The following PCNX1 variants were observed in gnomAD, a reference collection of about 807,000 sequenced individuals.
The protein encoded by PCNX1 is pecanex 1.
A neutral mutation model predicts 242.2 loss-of-function variants in PCNX1; 78 were observed. The ratio of observed to expected loss-of-function variants is 0.32; its 90% confidence interval spans 0.27 to 0.39. PCNX1 has a LOEUF of 0.39. Ranked by LOEUF, PCNX1 falls within the 10% of genes least tolerant of loss-of-function variation. The pLI is 1.00. For missense variants in PCNX1, 2,581 were observed against 2,856.5 expected (o/e 0.90, Z 2.20); for synonymous variants, 1,024 against 1,032.9 (o/e 0.99, Z 0.17).
chr14:71,098,585 T>C (rs1028066777), intron 30 of PCNX1, among the ~76,000 whole-genome samples: 2 of 143,514 alleles, frequency 1.4e-5, no homozygotes, highest in Non-Finnish European at 1.5e-5. Flanking sequence ...GTAGATGGGA[T>C]TGCATTATTG....
intron 26 of PCNX1, among the ~76,000 whole-genome samples, chr14:71,068,650 G>A (rs1555373257): frequency 8.4e-6 from 1 of 118,666 alleles, no homozygotes; most frequent in South Asian, 2.7e-4. Context: ...ATATATTGTT[G>A]CATGTATAGT....
chr14:71,012,961 C>A, intron 10 of PCNX1, 24 bp from the exon 11 acceptor site: 1 of 1,453,128 alleles, frequency 6.9e-7, no homozygotes, highest in Non-Finnish European at 9.7e-7. Flanking sequence ...TATTTTAAGC[C>A]TTTCAATGCT....
At chr14:71,021,120 A>G (rs1399116073) in intron 12 of PCNX1, among the ~76,000 whole-genome samples, 1 of 151,986 alleles carries the variant, frequency 6.6e-6, no homozygotes, top group Non-Finnish European at 1.5e-5. Context: ...ATTGGTCTTT[A>G]TATCTGTTTT....
Position 71,047,083 on chromosome 14 carries a change from A to G in PCNX1, c.4138A>G (p.Ser1380Gly), listed in dbSNP as rs763573028. ...ELSSSAETIA[S>G]PKKLNTELGA... The stretch of plus-strand genomic sequence containing the variant: ...GAGCAGCAGTGCAGAGACAATTGCT[A>G]GTCCAAAGAAACTGAATACAGAGTA... The change falls in exon 21 of 36, where the codon AGT becomes GGT. Residue 1380 changes from serine (S) to glycine (G), a missense_variant. Ser to Gly is a moderately conservative substitution (Grantham distance 56). This residue lies in a region of PCNX1 where 432 missense variants were observed against 443.1 expected (regional missense o/e 0.97). Transcript: ENST00000304743. 1.9e-6 allele frequency: 3 copies of G among 1,606,454 alleles called. No individual in the cohort carries two copies. The highest frequency in any genetic ancestry group is 2.6e-6 in the Non-Finnish European group (3 of 1,174,892).
chr14:71,058,671 A>T (rs1209346757), intron 26 of PCNX1, among the ~76,000 whole-genome samples: 1 of 152,208 alleles, frequency 6.6e-6, no homozygotes, highest in Admixed American at 6.5e-5. Flanking sequence ...GAAGGCTTGC[A>T]CCTTAGCTAT....
chr14:70,988,828 T>A, intron 7 of PCNX1, 129 bp downstream of exon 7: 1 of 1,159,468 alleles, frequency 8.6e-7, no homozygotes, highest in Non-Finnish European at 1.2e-6. Flanking sequence ...CCTATACATT[T>A]AAGCCCTTTT....
intron 11 of PCNX1, among the ~76,000 whole-genome samples, chr14:71,017,673 T>G (rs1253757944): frequency 2.0e-5 from 3 of 152,202 alleles, no homozygotes; most frequent in Non-Finnish European, 4.4e-5. Context: ...TTGAAAATCC[T>G]TAAAAATCCA....
At position 71,106,865 on chromosome 14, in the gene PCNX1, A is replaced by G. The variant is rs74060588; in HGVS notation, c.6301+1425A>G. ...TCTTTCAGTTTTCTGTACCACAAAT[A>G]TCTTTTCCCATTCTGTCCCTTGTCT... On this transcript the variant is annotated intron_variant, in intron 33 of 35. Coordinates refer to ENST00000304743, the MANE Select transcript of PCNX1 (RefSeq NM_014982.3). 8.6e-3 allele frequency among the ~76,000 whole-genome samples: 1,310 copies of G among 152,314 alleles called. 26 individuals are homozygous for G. The highest frequency in any genetic ancestry group is 0.03 in the African/African-American group (1,236 of 41,554).
chr14:71,006,828 A>G (rs1391737206), intron 8 of PCNX1, among the ~76,000 whole-genome samples: 2 of 152,178 alleles, frequency 1.3e-5, no homozygotes, highest in South Asian at 4.1e-4. Flanking sequence ...TGGTGTGTTT[A>G]TCTTCAGAGT....
At chr14:71,108,386 A>AG (rs1407036410) in intron 33 of PCNX1, among the ~76,000 whole-genome samples, 9 of 152,366 alleles carry the variant, frequency 5.9e-5, no homozygotes, top group African/African-American at 2.2e-4. Context: ...ACTTTAAAAA[A>AG]CTTTAGCAAA....
rs1355109135 is a variant in PCNX1 at position 71,114,165 on chromosome 14, T to A, written c.*4230T>A. 1.3e-5 allele frequency: 2 copies of A among 152,310 alleles called. No individual in the cohort carries two copies. The highest frequency in any genetic ancestry group is 1.9e-4 in the East Asian group (1 of 5,186). 9.4% of individuals were successfully genotyped at this position (152,310 alleles called of 1,614,324 possible). Reference sequence around the variant, plus strand: ...TCATTGGTGTTGAGGAAGAAAAAAATTAGATACTACCATGCATTGGGACAG... The same window carrying A: ...TCATTGGTGTTGAGGAAGAAAAAAAATAGATACTACCATGCATTGGGACAG... On this transcript the variant is annotated 3_prime_UTR_variant, in exon 36 of 36. Coordinates refer to ENST00000304743, the MANE Select transcript of PCNX1 (RefSeq NM_014982.3).
rs28807752 is a variant in PCNX1, at chr14:71,016,564, A to T, written c.2997-2445A>T. ...AATCATACATAGTGAATTAAATGGT[A>T]AATTAATAACAAATAGAACCTTGGA... On this transcript the variant is annotated intron_variant, in intron 11 of 35. Coordinates refer to ENST00000304743, the MANE Select transcript of PCNX1 (RefSeq NM_014982.3). Among the ~76,000 whole-genome samples the T allele has an allele frequency of 8.3e-3, 1,266 of 152,336 alleles. 10 individuals carry two copies. The highest frequency in any genetic ancestry group is 0.029 in the African/African-American group (1,192 of 41,576).
At chr14:70,929,591 A>T (rs917684048) in intron 1 of PCNX1, among the ~76,000 whole-genome samples, 3 of 152,246 alleles carry the variant, frequency 2.0e-5, no homozygotes, top group African/African-American at 7.2e-5. Flanking sequence ...GGATTAAGTT[A>T]AAAAGTAGCT....
chr14:71,004,541 T>C (rs1449526858), intron 8 of PCNX1, among the ~76,000 whole-genome samples: 1 of 152,170 alleles, frequency 6.6e-6, no homozygotes, highest in Non-Finnish European at 1.5e-5. Flanking sequence ...AACAGTTTCA[T>C]CCTGAAACCG....
intron 26 of PCNX1, among the ~76,000 whole-genome samples, chr14:71,068,451 T>C (rs1223360338): frequency 6.7e-6 from 1 of 149,218 alleles, no homozygotes; most frequent in Non-Finnish European, 1.5e-5. Context: ...TATATGTATA[T>C]ATGTGTATAT....
chr14:70,949,103 T>A (rs59122223), intron 2 of PCNX1, among the ~76,000 whole-genome samples: 2 of 145,596 alleles, frequency 1.4e-5, no homozygotes, highest in African/African-American at 5.0e-5. Flanking sequence ...TATACATACA[T>A]GTATATACGT....
At chr14:71,056,676 TTC>T (rs2061189957) in intron 25 of PCNX1, among the ~76,000 whole-genome samples, 1 of 152,062 alleles carries the variant, frequency 6.6e-6, no homozygotes, top group African/African-American at 2.4e-5. Flanking sequence ...ATGTTTTTCT[TTC>T]TTTTTCTTTT....
chr14:70,931,560 A>G (rs2056800743), intron 1 of PCNX1, among the ~76,000 whole-genome samples: 1 of 152,230 alleles, frequency 6.6e-6, no homozygotes, highest in Non-Finnish European at 1.5e-5. Flanking sequence ...CCCCATGTCT[A>G]GGGCATAAGG....
intron 11 of PCNX1, among the ~76,000 whole-genome samples, chr14:71,018,201 T>C (rs983053408): frequency 6.6e-6 from 1 of 152,170 alleles, no homozygotes; most frequent in Non-Finnish European, 1.5e-5. Context: ...TCATTTTTAA[T>C]AGTCTTTAAA....
Sources: gnomAD v4.1 joint callset for allele counts (sites outside exome capture counted in the v4.1 genomes callset) on GRCh38, gnomAD v4.1.1 for gene constraint, gnomAD v4.1.1 regional missense constraint, MANE v1.5 for transcripts, NCBI Gene and HGNC (gene_info 2026-07-23, HGNC 2026-07-21) for gene names.